The following CYB5B variants were observed in gnomAD, a reference collection of about 807,000 sequenced individuals.
CYB5B encodes the protein cytochrome b5 type B (outer mitochondrial membrane).
Under a neutral mutation model 21.3 loss-of-function variants are expected in CYB5B, and 14 were observed. The ratio of observed to expected loss-of-function variants is 0.66; its 90% CI spans 0.43 to 1.03. The LOEUF (loss-of-function observed/expected upper bound fraction) is 1.03, where lower values mean the gene tolerates loss of function less well. Among genes scored for constraint, CYB5B ranks in the 50% least tolerant of loss-of-function variants. CYB5B has a pLI of 0.00. For missense variants in CYB5B, 166 were observed against 185.1 expected (o/e 0.90, Z 0.60); for synonymous variants, 69 against 68.4 (o/e 1.01, Z -0.04).
intron 3 of CYB5B, among the ~76,000 whole-genome samples, chr16:69,458,626 G>A (rs545033270): frequency 6.6e-4 from 100 of 152,110 alleles, no homozygotes; most frequent in Non-Finnish European, 1.2e-3. Context: ...ATATTTTTGT[G>A]ATCTACAAGC....
At chr16:69,426,255 C>G (rs2014644980) in intron 1 of CYB5B, among the ~76,000 whole-genome samples, 1 of 151,618 alleles carries the variant, frequency 6.6e-6, no homozygotes, top group African/African-American at 2.4e-5. Context: ...AAAAATTAGC[C>G]AGGCGTGATG....
intron 3 of CYB5B, among the ~76,000 whole-genome samples, chr16:69,452,084 GGATA>G (rs1555510164): frequency 1.3e-5 from 2 of 151,696 alleles, no homozygotes; most frequent in Non-Finnish European, 1.5e-5. Flanking sequence ...ATGGATGGAT[GGATA>G]GACAGACAAA....
At chr16:69,428,860 C>T (rs1343628625) in intron 1 of CYB5B, among the ~76,000 whole-genome samples, 1 of 152,084 alleles carries the variant, frequency 6.6e-6, no homozygotes, top group Non-Finnish European at 1.5e-5. Flanking sequence ...GAAACAAGTT[C>T]AAAGGCCTTG....
intron 3 of CYB5B, among the ~76,000 whole-genome samples, chr16:69,452,313 C>CA (rs34934716): frequency 4.9e-4 from 39 of 79,012 alleles, no homozygotes; most frequent in African/African-American, 1.2e-3. Flanking sequence ...GACTCCGCCT[C>CA]AAAAAAAAAA....
chr16:69,448,398 C>A, intron 3 of CYB5B: 1 of 462,756 alleles, frequency 2.2e-6, no homozygotes, highest in East Asian at 3.8e-5. Context: ...AAGCTATGCC[C>A]TGTGTGGTTT....
At chr16:69,445,771 A>C (rs959693876) in intron 1 of CYB5B, among the ~76,000 whole-genome samples, 1 of 151,974 alleles carries the variant, frequency 6.6e-6, no homozygotes, top group Non-Finnish European at 1.5e-5. Context: ...CGAGACCAAC[A>C]TGGAGAAAAA....
At chr16:69,443,460 T>A in intron 1 of CYB5B, 1 of 167,748 alleles carries the variant, frequency 6.0e-6, no homozygotes, top group Non-Finnish European at 1.3e-5. Flanking sequence ...CACAGTAAAT[T>A]CTCTGAAGCC....
intron 1 of CYB5B, among the ~76,000 whole-genome samples, chr16:69,445,897 G>A (rs899888660): frequency 9.2e-5 from 14 of 152,030 alleles, no homozygotes; most frequent in Non-Finnish European, 1.6e-4. Context: ...CAGAGGTTGC[G>A]GTGAGCTGAG....
Position 69,447,261 on chromosome 16 carries a change from A to T in CYB5B, c.286A>T (p.Ile96Phe). The T allele has an allele frequency of 6.2e-7, 1 of 1,613,942 alleles. No homozygotes were observed. The highest frequency in any genetic ancestry group is 1.3e-5 in the African/African-American group (1 of 75,040). ...CAGAGAAATGCTAAAGCAGTACTACATTGGTGATATCCATCCGGTAAGAAC... is the reference window on the plus strand; with the variant it reads ...CAGAGAAATGCTAAAGCAGTACTACTTTGGTGATATCCATCCGGTAAGAAC... ...DAREMLKQYYIGDIHPSDLKP... is the reference protein window; with the variant it reads ...DAREMLKQYYFGDIHPSDLKP... Residue 96 changes from isoleucine to phenylalanine, a missense_variant, in exon 2 of 5, where the codon ATT (isoleucine) becomes TTT (phenylalanine). Physicochemically the swap from Ile to Phe is conservative, Grantham distance 21. Coordinates refer to ENST00000307892, the MANE Select transcript of CYB5B (RefSeq NM_030579.3).
At chr16:69,437,185 T>C (rs893045047) in intron 1 of CYB5B, among the ~76,000 whole-genome samples, 1 of 152,254 alleles carries the variant, frequency 6.6e-6, no homozygotes, top group Non-Finnish European at 1.5e-5. Flanking sequence ...TTCATCTTTT[T>C]TGGCAGTTTA....
chr16:69,459,320 A>G, intron 4 of CYB5B, 199 bp downstream of exon 4: 5 of 631,300 alleles, frequency 7.9e-6, no homozygotes, highest in Non-Finnish European at 1.3e-5. Flanking sequence ...TGAATAATCT[A>G]AAAGTTTCAT....
intron 1 of CYB5B, among the ~76,000 whole-genome samples, chr16:69,431,834 A>G (rs2014709414): frequency 6.6e-6 from 1 of 152,226 alleles, no homozygotes; most frequent in African/African-American, 2.4e-5. Context: ...TAGAGGAGTC[A>G]AAACAAAAAC....
At chr16:69,434,094 T>C (rs1007163062) in intron 1 of CYB5B, among the ~76,000 whole-genome samples, 2 of 152,172 alleles carry the variant, frequency 1.3e-5, no homozygotes, top group Non-Finnish European at 2.9e-5. Context: ...TTTCTACCAG[T>C]GTTGTCCCCA....
chr16:69,462,821 A>G lies in CYB5B; in HGVS notation c.*301A>G, dbSNP rs2015049079. The stretch of plus-strand genomic sequence containing the variant: ...CTTTCTGTTCATAAGTTATAGTGAC[A>G]TTGCTCTTTGGTAAAAATGCCTGCT... On this transcript the variant is annotated 3_prime_UTR_variant, in exon 5 of 5. Transcript: ENST00000307892. 7.6e-6 allele frequency: 2 copies of G among 261,822 alleles called. No individual in the cohort carries two copies. Among genetic ancestry groups the G allele is most frequent in the Non-Finnish European group, 1.5e-5 (2 of 134,518 alleles). 16.2% of individuals were successfully genotyped at this position (261,822 alleles called of 1,614,324 possible).
chr16:69,460,343 AG>A (rs1382859462), intron 4 of CYB5B, among the ~76,000 whole-genome samples: 5 of 152,242 alleles, frequency 3.3e-5, no homozygotes, highest in Admixed American at 3.3e-4. Context: ...CCTACAAATC[AG>A]TTTTTTAAAA....
intron 1 of CYB5B, among the ~76,000 whole-genome samples, chr16:69,437,559 A>G (rs1448260890): frequency 6.6e-6 from 1 of 152,108 alleles, no homozygotes; most frequent in African/African-American, 2.4e-5. Flanking sequence ...TTTAGTTTAT[A>G]TTAATTATAG....
chr16:69,445,707 T>G (rs2014870778), intron 1 of CYB5B, among the ~76,000 whole-genome samples: 1 of 152,198 alleles, frequency 6.6e-6, no homozygotes, highest in African/African-American at 2.4e-5. Context: ...CTCATACCTT[T>G]AATCCCAGCA....
rs567457439 is a variant in CYB5B at position 69,458,162 on chromosome 16, C to G, written c.334-931C>G. Among the ~76,000 whole-genome samples the G allele has an allele frequency of 2.6e-5, 4 of 152,182 alleles. No homozygotes were observed. The East Asian group carries it at 7.7e-4, about 29-fold the overall frequency. On this transcript the variant is annotated intron_variant, in intron 3 of 4. Transcript: ENST00000307892. ...CTTTATCGTGATACAATTCACATAC[C>G]ATACAGTTTACCTATTTAAAATGTA...
intron 3 of CYB5B, among the ~76,000 whole-genome samples, chr16:69,451,967 C>G (rs538494830): frequency 6.9e-6 from 1 of 144,918 alleles, no homozygotes; most frequent in East Asian, 2.1e-4. Context: ...AAAAAAATTC[C>G]CTCGTATATC....
Sources: allele counts gnomAD v4.1 joint callset (sites outside exome capture counted in the v4.1 genomes callset), GRCh38; gene constraint gnomAD v4.1.1; transcripts MANE v1.5; gene names NCBI Gene and HGNC (gene_info 2026-07-23, HGNC 2026-07-21).